GSTM4: variants seen among roughly 807,000 people sequenced by gnomAD.
GSTM4 encodes glutathione S-transferase mu 4.
A neutral mutation model predicts 30.1 loss-of-function variants in GSTM4; 27 were observed. That is an observed-to-expected ratio of 0.90 (90% CI 0.66 to 1.24). GSTM4 has a LOEUF of 1.24. GSTM4 is among the 50% of genes most tolerant of loss of function. The pLI is 0.00. For synonymous variants in GSTM4, 94 were observed against 96.2 expected (o/e 0.98, Z 0.13); for missense variants, 238 against 272.1 (o/e 0.87, Z 0.88).
chr1:109,658,169 A>C (rs1381423645), intron 5 of GSTM4: 3 of 431,374 alleles, frequency 7.0e-6, no homozygotes, highest in African/African-American at 2.0e-5. Context: ...CAGCTGGTTC[A>C]TGCCATCTGC....
downstream of GSTM4, among the ~76,000 whole-genome samples, chr1:109,665,796 C>T (rs1461459999): frequency 6.6e-6 from 1 of 152,154 alleles, no homozygotes; most frequent in Admixed American, 6.5e-5. Flanking sequence ...ATTTTAAAGA[C>T]TCCAAAGATG....
downstream of GSTM4, among the ~76,000 whole-genome samples, chr1:109,662,692 A>C (rs1652358660): frequency 1.3e-5 from 2 of 152,256 alleles, no homozygotes; most frequent in South Asian, 4.1e-4. Flanking sequence ...TTAAAAACCC[A>C]TAAGATCCTA....
At position 109,657,829 on chromosome 1, in the gene GSTM4, A is replaced by G. The variant is rs1233351980; in HGVS notation, c.317A>G (p.Asp106Gly). The change falls in exon 5 of 8, where the codon GAC (aspartate) becomes GGC (glycine). Residue 106 changes from aspartate (D) to glycine (G), a missense_variant. Coordinates refer to ENST00000369836, the MANE Select transcript of GSTM4 (RefSeq NM_000850.5). Reference sequence around the variant, plus strand: ...GACATTTTGGAGAACCAGGCTATGGACGTCTCCAATCAGCTGGCCAGAGTC... The same window carrying G: ...GACATTTTGGAGAACCAGGCTATGGGCGTCTCCAATCAGCTGGCCAGAGTC... Reference protein sequence around the residue: ...RVDILENQAMDVSNQLARVCY... With the variant: ...RVDILENQAMGVSNQLARVCY... The G allele has an allele frequency of 3.7e-6, 6 of 1,613,978 alleles. No individual in the cohort carries two copies. The highest frequency in any genetic ancestry group is 5.1e-6 in the Non-Finnish European group (6 of 1,180,008).
intron 3 of GSTM4, 151 bp from the exon 4 acceptor site, chr1:109,657,439 C>A (rs1464614483): frequency 7.0e-7 from 1 of 1,429,236 alleles, no homozygotes; most frequent in South Asian, 1.1e-5. Context: ...TGTGTCCCAG[C>A]TCATTTGTTC....
chr1:109,667,186 AAATAAT>A (rs78679006), downstream of GSTM4, among the ~76,000 whole-genome samples: 6 of 149,538 alleles, frequency 4.0e-5, no homozygotes, highest in Non-Finnish European at 5.9e-5. Flanking sequence ...ACTAATATTA[AAATAAT>A]AATAATAATA....
intron 5 of GSTM4, chr1:109,658,243 A>C (rs1570617547): frequency 3.8e-6 from 1 of 264,580 alleles, no homozygotes; most frequent in Non-Finnish European, 7.2e-6. Context: ...ATGTAATAGC[A>C]CCCTCCTCTG....
rs1457933881 is a variant in GSTM4 at position 109,659,047 on chromosome 1, T to A, written c.504T>A (p.Arg168=). ...CCTATGATGTCCTTGACCTCCACCGTATATTTGAGCCCAACTGCTTGGACG... is the reference window on the plus strand; with the variant it reads ...CCTATGATGTCCTTGACCTCCACCGAATATTTGAGCCCAACTGCTTGGACG... The part of the protein sequence containing the change: ...FLAYDVLDLH[R]IFEPNCLDAF... Residue 168 remains arginine, a synonymous_variant, in exon 7 of 8, where the codon CGT becomes CGA. Transcript: ENST00000369836. 4.0e-5 allele frequency: 65 copies of A among 1,614,062 alleles called. No homozygotes were observed. The highest frequency in any genetic ancestry group is 5.5e-5 in the Non-Finnish European group (65 of 1,180,052).
intron 1 of GSTM4, 123 bp from the exon 2 acceptor site, chr1:109,656,589 T>TGTGTGTGTGC (rs1491168454): frequency 1.2e-5 from 7 of 591,118 alleles, no homozygotes; most frequent in East Asian, 3.3e-5. Context: ...TGTGTGTGTG[T>TGTGTGTGTGC]GCGTGCGCCG....
Position 109,658,928 on chromosome 1 carries a change from G to A in GSTM4, c.456+19G>A. The stretch of plus-strand genomic sequence containing the variant: ...AGACAAGGTAATGGGGGCATGTGAT[G>A]AGGACACTAGAGATTTGCCATACAT... On this transcript the variant is annotated intron_variant, in intron 6 of 7. Transcript: ENST00000369836. The A allele has an allele frequency of 6.2e-7, 1 of 1,611,522 alleles. No homozygotes were observed. The highest frequency in any genetic ancestry group is 1.1e-5 in the South Asian group (1 of 91,040).
chr1:109,667,301 G>T (rs893065810), downstream of GSTM4, among the ~76,000 whole-genome samples: 39 of 145,894 alleles, frequency 2.7e-4, 1 homozygote, highest in South Asian at 4.3e-4. Context: ...TGTCCTGGTA[G>T]TTTTTTTTTT....
In GSTM4 at chr1:109,661,490, A is replaced by T. The variant is rs192415364; in HGVS notation, c.*236A>T. On this transcript the variant is annotated 3_prime_UTR_variant, in exon 8 of 8. Coordinates refer to ENST00000369836, the MANE Select transcript of GSTM4 (RefSeq NM_000850.5). ...TTCCTTCATGAACATCCCCCTCCCA[A>T]CACTACCCTTCCCTGCACTAAAGCC... 4.3e-4 allele frequency: 588 copies of T among 1,381,760 alleles called. No homozygotes were observed. In the African/African-American group the frequency reaches 4.9e-3, roughly 12 times the overall value. The allele number at this position is 1,381,760 out of a possible 1,614,324, so 85.6% of individuals were successfully genotyped here.
chr1:109,659,336 T>G, intron 7 of GSTM4: 1 of 1,523,520 alleles, frequency 6.6e-7, no homozygotes, highest in South Asian at 1.3e-5. Context: ...TAAGAAAACT[T>G]TGAATGAGAG....
At chr1:109,657,451 T>C in intron 3 of GSTM4, 139 bp from the exon 4 acceptor site, 1 of 1,446,110 alleles carries the variant, frequency 6.9e-7, no homozygotes, top group Non-Finnish European at 9.7e-7. Context: ...CATTTGTTCA[T>C]GTGACAGTAT....
Position 109,657,620 on chromosome 1 carries a change from A to G in GSTM4, c.208A>G (p.Ile70Val). 1 of 1,614,114 alleles carries G rather than the reference A, an allele frequency of 6.2e-7. No homozygotes were observed. Among genetic ancestry groups the G allele is most frequent in the East Asian group, 2.2e-5 (1 of 44,874 alleles). Residue 70 changes from isoleucine to valine, a missense_variant, in exon 4 of 8, where the codon ATC becomes GTC. By Grantham distance (29) the Ile-to-Val change is conservative. Coordinates refer to ENST00000369836, the MANE Select transcript of GSTM4 (RefSeq NM_000850.5). ...LPYLIDGAHKITQSNAILCYI... is the reference protein window; with the variant it reads ...LPYLIDGAHKVTQSNAILCYI... ...CTACTTGATTGATGGGGCTCACAAG[A>G]TCACCCAGAGCAACGCCATCCTGTG...
Position 109,657,249 on chromosome 1 carries a change from A to G in GSTM4, c.147A>G (p.Glu49=). The G allele has an allele frequency of 6.2e-7, 1 of 1,612,564 alleles. No homozygotes were observed. The highest frequency in any genetic ancestry group is 8.5e-7 in the Non-Finnish European group (1 of 1,179,876). The change falls in exon 3 of 8, where the codon GAA becomes GAG. Residue 49 remains glutamate (E), a synonymous_variant. Coordinates refer to ENST00000369836, the MANE Select transcript of GSTM4 (RefSeq NM_000850.5). ...PDYDRSQWLN[E]KFKLGLDFPN... ...ATGACAGAAGCCAGTGGCTGAATGAAAAATTCAAGCTGGGCCTGGACTTTC... is the reference window on the plus strand; with the variant it reads ...ATGACAGAAGCCAGTGGCTGAATGAGAAATTCAAGCTGGGCCTGGACTTTC...
At chr1:109,664,501 G>A (rs1246062926), downstream of GSTM4, among the ~76,000 whole-genome samples, 1 of 151,282 alleles carries the variant, frequency 6.6e-6, no homozygotes, top group African/African-American at 2.4e-5. Flanking sequence ...CTGGAATTAC[G>A]GGCGTGTGCC....
chr1:109,664,973 T>A, downstream of GSTM4: 2 of 1,611,128 alleles, frequency 1.2e-6, no homozygotes, highest in East Asian at 4.5e-5. Context: ...ACCTTCTCTC[T>A]AATAGGCACA....
At chr1:109,665,366 A>T (rs1385393107), downstream of GSTM4, 3 of 347,302 alleles carry the variant, frequency 8.6e-6, no homozygotes, top group Non-Finnish European at 1.6e-5. Flanking sequence ...TAGCCTCTGA[A>T]TGATACCACT....
At chr1:109,659,277 A>G in intron 7 of GSTM4, 167 bp downstream of exon 7, 1 of 1,591,968 alleles carries the variant, frequency 6.3e-7, no homozygotes. Context: ...GGAATTTGAA[A>G]TTTCCAACAT....
Sources: allele counts gnomAD v4.1 joint callset (sites outside exome capture counted in the v4.1 genomes callset), GRCh38; gene constraint gnomAD v4.1.1; transcripts MANE v1.5; gene names NCBI Gene and HGNC (gene_info 2026-07-23, HGNC 2026-07-21).